Variants in SLC12A2 observed in about 807,000 individuals in gnomAD.
SLC12A2 encodes Na-K-2Cl cotransporter 1.
Under a neutral mutation model 136.3 loss-of-function variants are expected in SLC12A2, and 67 were observed. The ratio of observed to expected loss-of-function variants is 0.49; its 90% CI spans 0.40 to 0.60. The LOEUF is 0.60. Ranked by LOEUF, SLC12A2 falls within the 20% of genes least tolerant of loss-of-function variation. The pLI is 0.00. For synonymous variants in SLC12A2, 619 were observed against 562.9 expected (o/e 1.10, Z -1.41); for missense variants, 1,322 against 1,534.7 (o/e 0.86, Z 2.32).
intron 1 of SLC12A2, chr5:128,110,142 T>C (rs1054440591): frequency 1.2e-5 from 11 of 880,208 alleles, no homozygotes; most frequent in South Asian, 9.2e-5. Context: ...CATACTACTT[T>C]CTTTGACTAG....
At chr5:128,135,857 T>A in intron 7 of SLC12A2, 49 bp downstream of exon 7, 1 of 997,038 alleles carries the variant, frequency 1.0e-6, no homozygotes, top group Non-Finnish European at 1.6e-6. Flanking sequence ...TTTATAGAAT[T>A]CTATCATCAA....
intron 7 of SLC12A2, 149 bp downstream of exon 7, chr5:128,135,957 A>G (rs776564671): frequency 3.2e-6 from 2 of 624,788 alleles, no homozygotes; most frequent in South Asian, 1.9e-5. Flanking sequence ...TGTCCCCTTT[A>G]TGCTGTACAG....
chr5:128,106,317 T>G (rs1760936916), intron 1 of SLC12A2, among the ~76,000 whole-genome samples: 1 of 152,208 alleles, frequency 6.6e-6, no homozygotes, highest in African/African-American at 2.4e-5. Context: ...CAGCATAATT[T>G]ATAGTTCATA....
At chr5:128,175,153 C>T (rs1763499840) in intron 20 of SLC12A2, among the ~76,000 whole-genome samples, 1 of 152,024 alleles carries the variant, frequency 6.6e-6, no homozygotes, top group Non-Finnish European at 1.5e-5. Context: ...TGACACGCAA[C>T]AAGAAAATAA....
intron 21 of SLC12A2, among the ~76,000 whole-genome samples, chr5:128,177,803 T>G (rs935227084): frequency 6.6e-6 from 1 of 152,190 alleles, no homozygotes; most frequent in Non-Finnish European, 1.5e-5. Context: ...TGTAGGAGTT[T>G]CATGATAGTC....
intron 6 of SLC12A2, 73 bp from the exon 7 acceptor site, chr5:128,135,625 TTA>T: frequency 1.0e-6 from 1 of 991,298 alleles, no homozygotes; most frequent in African/African-American, 1.6e-5. Context: ...CTCATGGAAG[TTA>T]TATTCTAGGG....
intron 22 of SLC12A2, among the ~76,000 whole-genome samples, chr5:128,180,591 C>G (rs904700308): frequency 6.6e-6 from 1 of 152,154 alleles, no homozygotes; most frequent in Admixed American, 6.6e-5. Context: ...AACATGGCTC[C>G]TGCTAAGGTC....
At position 128,084,263 on chromosome 5, in the gene SLC12A2, AGCG is replaced by A. The variant is rs978857486; in HGVS notation, c.318_320del (p.Ala107del). 4 of 1,221,612 alleles carry A rather than the reference AGCG, an allele frequency of 3.3e-6. No homozygotes were observed. Among genetic ancestry groups the A allele is most frequent in the South Asian group, 3.2e-5 (1 of 30,806 alleles). The allele number at this position is 1,221,612 out of a possible 1,614,324, so 75.7% of individuals were successfully genotyped here. A position where few individuals can be genotyped will look rare whatever the true frequency, so the allele number is the denominator to read the frequency against. ...CTGCGGCGGCGGCGGCGGCGGCGGC[AGCG>A]GCGGCGGCTGGTGCTGGGGCGGGGG... is the stretch of plus-strand genomic sequence containing the variant. On this transcript the variant is annotated inframe_deletion, in exon 1 of 27. Transcript: ENST00000262461. This position sits in a 1 kb window ranked among gnomAD's most constrained non-coding sequence, Gnocchi z 5.6.
In SLC12A2 at chr5:128,112,822, T is replaced by G; in HGVS notation, c.765T>G (p.Phe255Leu). ...TTTCTTTTTATAACCAGGAACCTTT[T>G]GAGGATGGCTTTGCAAATGGGGAAG... is the stretch of plus-strand genomic sequence containing the variant. ...ELHDELEKEPFEDGFANGEES... is the reference protein window; with the variant it reads ...ELHDELEKEPLEDGFANGEES... The change falls in exon 2 of 27, where the codon TTT (phenylalanine) becomes TTG (leucine). Residue 255 changes from phenylalanine (F) to leucine (L), a missense_variant. Phe to Leu is a conservative substitution (Grantham distance 22). Transcript: ENST00000262461. 1 of 1,606,470 alleles carries G rather than the reference T, an allele frequency of 6.2e-7. No individual in the cohort carries two copies. Among genetic ancestry groups the G allele is most frequent in the Non-Finnish European group, 8.5e-7 (1 of 1,176,846 alleles).
chr5:128,137,738 C>A lies in SLC12A2; in HGVS notation c.1409-859C>A, dbSNP rs142976208. Among the ~76,000 whole-genome samples the A allele has an allele frequency of 1.2e-3, 178 of 152,154 alleles. 1 individual carries two copies. Among genetic ancestry groups the A allele is most frequent in the African/African-American group, 4.1e-3 (170 of 41,482 alleles). ...TATCTTAGAGTCAGAGATGAAAACA[C>A]TAGGTCTAGTTGAAGCTTTTATTGT... On this transcript the variant is annotated intron_variant, in intron 7 of 26. Transcript: ENST00000262461.
At chr5:128,174,443 CTT>C in intron 19 of SLC12A2, 96 bp from the exon 20 acceptor site, 4 of 884,974 alleles carry the variant, frequency 4.5e-6, no homozygotes, top group Non-Finnish European at 6.8e-6. Context: ...TTATAATAAA[CTT>C]ATTTTTTCAT....
chr5:128,121,319 A>C (rs1301265238), intron 4 of SLC12A2, among the ~76,000 whole-genome samples: 1 of 151,610 alleles, frequency 6.6e-6, no homozygotes, highest in Non-Finnish European at 1.5e-5. Context: ...CTATTTTTTT[A>C]TTTTTATTAC....
intron 9 of SLC12A2, among the ~76,000 whole-genome samples, chr5:128,141,135 G>A (rs980928845): frequency 1.3e-5 from 2 of 151,990 alleles, no homozygotes; most frequent in Non-Finnish European, 2.9e-5. Context: ...ATTTTATTAT[G>A]GAAGTTTTCA....
chr5:128,180,812 G>A, intron 22 of SLC12A2, 71 bp from the exon 23 acceptor site: 7 of 876,622 alleles, frequency 8.0e-6, no homozygotes, highest in East Asian at 2.4e-5. Context: ...CATGTTTTTC[G>A]AGACTAAATT....
intron 1 of SLC12A2, among the ~76,000 whole-genome samples, chr5:128,102,584 C>A (rs1386521892): frequency 2.4e-4 from 1 of 4,122 alleles, no homozygotes; most frequent in South Asian, 4.3e-3. Flanking sequence ...TGTAATTCAC[C>A]CCCCCCCCCG....
intron 4 of SLC12A2, among the ~76,000 whole-genome samples, chr5:128,126,901 G>GT (rs1761813556): frequency 8.5e-6 from 1 of 117,558 alleles, no homozygotes; most frequent in South Asian, 2.8e-4. Flanking sequence ...CTGTTGAACT[G>GT]TATGTTTTTT....
At chr5:128,177,345 T>C (rs2126753474) in intron 21 of SLC12A2, among the ~76,000 whole-genome samples, 193 bp downstream of exon 21, 1 of 152,188 alleles carries the variant, frequency 6.6e-6, no homozygotes, top group South Asian at 2.1e-4. Flanking sequence ...AATGGAGTTA[T>C]ATCACAAATT....
At chr5:128,094,547 C>CT (rs1203395874) in intron 1 of SLC12A2, among the ~76,000 whole-genome samples, 8 of 150,930 alleles carry the variant, frequency 5.3e-5, no homozygotes, top group Admixed American at 2.6e-4. Flanking sequence ...ATTTTGGTGA[C>CT]TTTTTTTTTC....
intron 2 of SLC12A2, 92 bp downstream of exon 2, chr5:128,113,025 T>G (rs938274979): frequency 4.4e-6 from 5 of 1,137,968 alleles, no homozygotes; most frequent in Admixed American, 2.8e-5. Flanking sequence ...AGAGAACTCT[T>G]TTTTTCTCTA....
Sources: allele counts gnomAD v4.1 joint callset (sites outside exome capture counted in the v4.1 genomes callset), GRCh38; gene constraint gnomAD v4.1.1; non-coding constraint Gnocchi (gnomAD v3.1); transcripts MANE v1.5; gene names NCBI Gene and HGNC (gene_info 2026-07-23, HGNC 2026-07-21).